MEGF11: variants seen among roughly 807,000 people sequenced by gnomAD.
MEGF11 encodes the protein multiple epidermal growth factor-like domains protein 11.
A neutral mutation model predicts 146.6 loss-of-function variants in MEGF11; 126 were observed. The ratio of observed to expected loss-of-function variants is 0.86; its 90% CI spans 0.74 to 1.00. The LOEUF (loss-of-function observed/expected upper bound fraction) is 1.00. Ranked by LOEUF, MEGF11 falls within the 50% of genes least tolerant of loss-of-function variation. The pLI is 0.00. For missense variants in MEGF11, 1,509 were observed against 1,521.2 expected (o/e 0.99, Z 0.13); for synonymous variants, 532 against 583.4 (o/e 0.91, Z 1.27).
chr15:66,077,499 C>G (rs1434087436), intron 5 of MEGF11, among the ~76,000 whole-genome samples: 1 of 152,192 alleles, frequency 6.6e-6, no homozygotes, highest in Non-Finnish European at 1.5e-5. Context: ...AGCATCCAAC[C>G]CAGAGCCCCA....
At chr15:65,936,167 CTG>C (rs1379757844) in intron 10 of MEGF11, among the ~76,000 whole-genome samples, 12 of 152,208 alleles carry the variant, frequency 7.9e-5, no homozygotes, top group African/African-American at 2.4e-4. Context: ...TTGGGTATGT[CTG>C]TGTACATTTT....
intron 10 of MEGF11, among the ~76,000 whole-genome samples, chr15:65,932,939 T>C (rs1287952379): frequency 6.6e-6 from 1 of 152,106 alleles, no homozygotes; most frequent in Admixed American, 6.5e-5. Context: ...GTACTGCCCG[T>C]CTCTGAGTCT....
intron 5 of MEGF11, among the ~76,000 whole-genome samples, chr15:66,031,129 T>C (rs1313667458): frequency 1.3e-5 from 2 of 152,158 alleles, no homozygotes; most frequent in East Asian, 1.9e-4. Flanking sequence ...ATTCTCAAAG[T>C]TAGGATGTCT....
At chr15:65,998,574 G>T (rs2082268487) in intron 5 of MEGF11, among the ~76,000 whole-genome samples, 1 of 152,146 alleles carries the variant, frequency 6.6e-6, no homozygotes, top group Non-Finnish European at 1.5e-5. Flanking sequence ...GCCAAGCAAT[G>T]ATTCCTGAAA....
chr15:66,064,446 C>T (rs1597044979), intron 5 of MEGF11, among the ~76,000 whole-genome samples: 1 of 152,170 alleles, frequency 6.6e-6, no homozygotes, highest in East Asian at 1.9e-4. Context: ...AGGTAATACT[C>T]ACTACAACAG....
Position 65,929,887 on chromosome 15 carries a change from A to G in MEGF11, c.1409-4T>C, listed in dbSNP as rs1432289782. 3 of 1,593,494 alleles carry G rather than the reference A, an allele frequency of 1.9e-6. No individual in the cohort carries two copies. In the African/African-American group the frequency reaches 4.0e-5, roughly 21 times the overall value. Reference sequence around the variant, plus strand: ...GTGCAGTCCAGGCCCTGCCACCCTGAGGGGAGGGAAAGGGACTGTCACTTC... The same window carrying G: ...GTGCAGTCCAGGCCCTGCCACCCTGGGGGGAGGGAAAGGGACTGTCACTTC... On this transcript the variant is annotated splice_region_variant and splice_polypyrimidine_tract_variant and intron_variant, in intron 11 of 25. Transcript: ENST00000395614.
chr15:65,972,451 A>G (rs1476837886), intron 7 of MEGF11, among the ~76,000 whole-genome samples: 7 of 152,276 alleles, frequency 4.6e-5, no homozygotes, highest in African/African-American at 1.4e-4. Flanking sequence ...GCTCATGCCT[A>G]TAATTCTAGC....
At chr15:65,910,564 G>T (rs1358511859) in intron 21 of MEGF11, among the ~76,000 whole-genome samples, 1 of 152,098 alleles carries the variant, frequency 6.6e-6, no homozygotes, top group East Asian at 1.9e-4. Flanking sequence ...CTGGGCCCCT[G>T]GGCTGAGGTG....
At chr15:66,161,783 A>G (rs1479709547) in intron 1 of MEGF11, among the ~76,000 whole-genome samples, 1 of 152,190 alleles carries the variant, frequency 6.6e-6, no homozygotes, top group Non-Finnish European at 1.5e-5. Context: ...GCACTCAGTG[A>G]GCACCTACTA....
At chr15:66,070,464 C>G (rs1008257619) in intron 5 of MEGF11, among the ~76,000 whole-genome samples, 19 of 152,224 alleles carry the variant, frequency 1.2e-4, no homozygotes, top group African/African-American at 3.6e-4. Context: ...AAGGATTAAG[C>G]ATTAAGCCTT....
At chr15:65,985,747 C>A (rs2081833134) in intron 5 of MEGF11, among the ~76,000 whole-genome samples, 3 of 151,954 alleles carry the variant, frequency 2.0e-5, no homozygotes, top group Non-Finnish European at 2.9e-5. Flanking sequence ...AAGCACCCTG[C>A]CCTATTGGGG....
At chr15:65,963,833 AC>A (rs2141549735) in intron 9 of MEGF11, among the ~76,000 whole-genome samples, 1 of 152,338 alleles carries the variant, frequency 6.6e-6, no homozygotes, top group African/African-American at 2.4e-5. Flanking sequence ...ACACTTGCCG[AC>A]ATGCCTCTGC....
At chr15:66,168,360 G>C (rs771403791) in intron 1 of MEGF11, among the ~76,000 whole-genome samples, 1 of 152,064 alleles carries the variant, frequency 6.6e-6, no homozygotes, top group Non-Finnish European at 1.5e-5. Context: ...TATCAGGCCT[G>C]CCCACTGGAC....
intron 4 of MEGF11, among the ~76,000 whole-genome samples, chr15:66,096,511 T>G (rs945216968): frequency 6.9e-6 from 1 of 145,534 alleles, no homozygotes; most frequent in African/African-American, 2.5e-5. Context: ...AGCCCAAGGC[T>G]GTGGGGACTT....
chr15:66,222,210 C>G (rs2091754438), intron 1 of MEGF11, among the ~76,000 whole-genome samples: 1 of 152,054 alleles, frequency 6.6e-6, no homozygotes, highest in Non-Finnish European at 1.5e-5. Context: ...CTGTGACCCT[C>G]AGCACACAGG....
chr15:66,210,755 C>A (rs536979786), intron 1 of MEGF11, among the ~76,000 whole-genome samples: 1 of 152,326 alleles, frequency 6.6e-6, no homozygotes, highest in East Asian at 1.9e-4. Flanking sequence ...GGAATTCTTA[C>A]CGCAGTATGT....
intron 5 of MEGF11, among the ~76,000 whole-genome samples, chr15:66,058,271 G>A (rs1182097660): frequency 6.6e-6 from 1 of 152,134 alleles, no homozygotes; most frequent in African/African-American, 2.4e-5. Context: ...AATACAGGCT[G>A]TGCGGAAGGC....
chr15:66,173,465 G>A (rs35858133), intron 1 of MEGF11, among the ~76,000 whole-genome samples: 29,792 of 152,012 alleles, frequency 0.2, 3,609 homozygotes, highest in South Asian at 0.34. Context: ...ACAGGTGCCC[G>A]CCACCATGCC....
At chr15:66,212,404 G>T (rs114062605) in intron 1 of MEGF11, among the ~76,000 whole-genome samples, 4 of 152,234 alleles carry the variant, frequency 2.6e-5, no homozygotes, top group African/African-American at 9.6e-5. Flanking sequence ...GGTGCATCGT[G>T]GGGGGACTGG....
Sources: allele counts gnomAD v4.1 joint callset (sites outside exome capture counted in the v4.1 genomes callset), GRCh38; gene constraint gnomAD v4.1.1; transcripts MANE v1.5; gene names NCBI Gene and HGNC (gene_info 2026-07-23, HGNC 2026-07-21).